The following BIVM variants were observed in gnomAD, a reference collection of about 807,000 sequenced individuals.
BIVM encodes basic, immunoglobulin-like variable motif containing.
In BIVM, 31 loss-of-function variants were observed where a neutral mutation model predicts 61.4. The ratio of observed to expected loss-of-function variants is 0.51; its 90% confidence interval spans 0.38 to 0.68. The LOEUF is 0.68. Among genes scored for constraint, BIVM ranks in the 30% least tolerant of loss-of-function variants. The pLI, the probability that BIVM is intolerant of heterozygous loss-of-function variation, is 0.00. For synonymous variants in BIVM, 189 were observed against 210.7 expected (o/e 0.90, Z 0.89); for missense variants, 526 against 596.0 (o/e 0.88, Z 1.22).
chr13:102,816,134 A>G (rs1462621409), intron 3 of BIVM, among the ~76,000 whole-genome samples: 1 of 152,220 alleles, frequency 6.6e-6, no homozygotes, highest in Non-Finnish European at 1.5e-5. Context: ...TAGCTCTGGA[A>G]TTGGAGTATA....
At chr13:102,815,148 T>G (rs189138104) in intron 3 of BIVM, among the ~76,000 whole-genome samples, 14 of 152,296 alleles carry the variant, frequency 9.2e-5, no homozygotes, top group Admixed American at 7.8e-4. Flanking sequence ...TTACAGAAAT[T>G]CCCTGTGTAA....
chr13:102,833,220 C>A (rs901029078), intron 8 of BIVM, among the ~76,000 whole-genome samples: 1 of 150,626 alleles, frequency 6.6e-6, no homozygotes, highest in African/African-American at 2.4e-5. Context: ...GGCAACAGAG[C>A]GAGATCCTTT....
chr13:102,839,987 A>G lies in BIVM; in HGVS notation c.*122A>G, dbSNP rs1881724272. 1 of 1,098,272 alleles carries G rather than the reference A, an allele frequency of 9.1e-7. No individual in the cohort carries two copies. Among genetic ancestry groups the G allele is most frequent in the East Asian group, 2.4e-5 (1 of 41,656 alleles). 68.0% of individuals were successfully genotyped at this position (1,098,272 alleles called of 1,614,324 possible). A position where few individuals can be genotyped will look rare whatever the true frequency, so the allele number is the denominator to read the frequency against. On this transcript the variant is annotated 3_prime_UTR_variant, in exon 11 of 11. Transcript: ENST00000257336. ...AGGAGCAGATCTTGTGGTATAAAAA[A>G]TAACCTTGTAGTTCTCCAGATACTA...
chr13:102,825,088 G>A lies in BIVM; in HGVS notation c.901+2929G>A, dbSNP rs1201322412. Among the ~76,000 whole-genome samples, 4 of 151,938 alleles carry A rather than the reference G, an allele frequency of 2.6e-5. No individual in the cohort carries two copies. In the East Asian group the frequency reaches 5.8e-4, roughly 22 times the overall value. On this transcript the variant is annotated intron_variant, in intron 7 of 10. Coordinates refer to ENST00000257336, the MANE Select transcript of BIVM (RefSeq NM_017693.4). ...CTCCCGAGTAGCTGGGACTACAGGC[G>A]CCCACCACCATGCCCGGCTAATTTT...
chr13:102,828,606 A>C (rs376805458), intron 7 of BIVM, among the ~76,000 whole-genome samples: 1 of 152,238 alleles, frequency 6.6e-6, no homozygotes, highest in African/African-American at 2.4e-5. Context: ...TTGAACATGC[A>C]GTGCTAACAT....
At position 102,817,479 on chromosome 13, in the gene BIVM, T is replaced by C. The variant is rs144024927; in HGVS notation, c.605+925T>C. On this transcript the variant is annotated intron_variant, in intron 4 of 10. Coordinates refer to ENST00000257336, the MANE Select transcript of BIVM (RefSeq NM_017693.4). ...CTAAGTGATTACTGGGTTAAGGTGG[T>C]GACAGCTGTATTCTACATTGACGAG... Among the ~76,000 whole-genome samples, 29 of 152,280 alleles carry C rather than the reference T, an allele frequency of 1.9e-4. No individual in the cohort carries two copies. The East Asian group carries it at 5.4e-3, about 28-fold the overall frequency.
intron 4 of BIVM, among the ~76,000 whole-genome samples, chr13:102,819,564 T>C (rs560298808): frequency 3.0e-4 from 46 of 152,204 alleles, no homozygotes; most frequent in Admixed American, 4.6e-4. Context: ...TGTGAACACA[T>C]GGACGTAGGG....
intron 9 of BIVM, among the ~76,000 whole-genome samples, chr13:102,836,423 C>T (rs1220508271): frequency 6.6e-6 from 1 of 152,150 alleles, no homozygotes; most frequent in African/African-American, 2.4e-5. Flanking sequence ...AGTGATCCTC[C>T]CATCTCAGTC....
intron 3 of BIVM, among the ~76,000 whole-genome samples, chr13:102,814,588 A>T (rs1879738399): frequency 6.6e-6 from 1 of 152,198 alleles, no homozygotes; most frequent in Admixed American, 6.5e-5. Context: ...CAGTGAAGAC[A>T]TCTCAAGAAA....
At chr13:102,810,379 T>C (rs1047812167) in intron 3 of BIVM, among the ~76,000 whole-genome samples, 3 of 152,256 alleles carry the variant, frequency 2.0e-5, no homozygotes, top group Non-Finnish European at 2.9e-5. Flanking sequence ...TAGCTAATTT[T>C]TTCTGTTTCT....
At chr13:102,817,392 T>C (rs1316640438) in intron 4 of BIVM, among the ~76,000 whole-genome samples, 2 of 152,176 alleles carry the variant, frequency 1.3e-5, no homozygotes, top group Non-Finnish European at 2.9e-5. Context: ...AAGTGGGCCC[T>C]CATACTTCAA....
At chr13:102,810,157 A>G (rs1336923109) in intron 3 of BIVM, among the ~76,000 whole-genome samples, 1 of 152,094 alleles carries the variant, frequency 6.6e-6, no homozygotes, top group African/African-American at 2.4e-5. Context: ...GGAAACCACA[A>G]TTTTACTTTT....
chr13:102,807,403 G>T lies in BIVM; in HGVS notation c.136G>T (p.Gly46Cys). The change falls in exon 3 of 11, where the codon GGT (glycine) becomes TGT (cysteine). Residue 46 changes from glycine to cysteine, a missense_variant. Around this residue, in one of 3 missense-constraint regions of BIVM, gnomAD observed 312 missense variants for 343.8 expected, o/e 0.91. Coordinates refer to ENST00000257336, the MANE Select transcript of BIVM (RefSeq NM_017693.4). This position sits in a 1 kb window ranked among gnomAD's most constrained non-coding sequence, Gnocchi z 4.0. The part of the protein sequence containing the change: ...FCTSASGAPL[G>C]PKGDGHYPWS... ...CACAAGTGCCTCAGGAGCACCCTTG[G>T]GTCCCAAAGGAGATGGTCATTATCC... 1 of 1,614,152 alleles carries T rather than the reference G, an allele frequency of 6.2e-7. No individual in the cohort carries two copies. Among genetic ancestry groups the T allele is most frequent in the Non-Finnish European group, 8.5e-7 (1 of 1,180,040 alleles).
chr13:102,821,220 T>G, intron 5 of BIVM, 88 bp downstream of exon 5: 1 of 1,143,746 alleles, frequency 8.7e-7, no homozygotes, highest in Non-Finnish European at 1.2e-6. Flanking sequence ...AAGAATAGAT[T>G]TTTTATAAAT....
At chr13:102,816,644 T>C (rs1879884246) in intron 4 of BIVM, 90 bp downstream of exon 4, 2 of 1,137,836 alleles carry the variant, frequency 1.8e-6, no homozygotes, top group Non-Finnish European at 2.3e-6. Flanking sequence ...ATACATTATA[T>C]GTATCATAAA....
chr13:102,832,453 G>T (rs763638251), intron 8 of BIVM, among the ~76,000 whole-genome samples: 2 of 152,114 alleles, frequency 1.3e-5, no homozygotes, highest in African/African-American at 2.4e-5. Flanking sequence ...CCTTATTCCT[G>T]GGCCTCCCAA....
intron 7 of BIVM, among the ~76,000 whole-genome samples, chr13:102,829,292 G>A (rs1880893318): frequency 6.6e-6 from 1 of 152,112 alleles, no homozygotes; most frequent in South Asian, 2.1e-4. Flanking sequence ...TCTCTTATTG[G>A]CTGCTCAGAA....
At chr13:102,799,972 T>C (rs943244) in intron 1 of BIVM, among the ~76,000 whole-genome samples, 152,011 of 152,244 alleles carry the variant, frequency 1, 75,890 homozygotes, top group Middle Eastern at 1. Flanking sequence ...CACCCGGGTC[T>C]GGGCCGCCGC....
intron 3 of BIVM, among the ~76,000 whole-genome samples, chr13:102,808,644 T>C (rs534928520): frequency 6.6e-6 from 1 of 152,314 alleles, no homozygotes; most frequent in East Asian, 1.9e-4. Context: ...CTAATGCCTT[T>C]GGCCAGTTTT....
Sources: allele counts gnomAD v4.1 joint callset (sites outside exome capture counted in the v4.1 genomes callset), GRCh38; gene constraint gnomAD v4.1.1; regional missense constraint gnomAD v4.1.1; non-coding constraint Gnocchi (gnomAD v3.1); transcripts MANE v1.5; gene names NCBI Gene and HGNC (gene_info 2026-07-23, HGNC 2026-07-21).